The following SCARA3 variants were observed in gnomAD, a reference collection of about 807,000 sequenced individuals.
SCARA3 encodes scavenger receptor class A member 3, also known as cellular stress response gene protein.
In SCARA3, 39 loss-of-function variants were observed where a neutral mutation model predicts 47.0. The observed-to-expected ratio is 0.83, with a 90% CI of 0.64 to 1.08. SCARA3 has a LOEUF of 1.08. Ranked by LOEUF, SCARA3 falls within the 50% of genes least tolerant of loss-of-function variation. The pLI is 0.00. For missense variants in SCARA3, 724 were observed against 792.3 expected (o/e 0.91, Z 1.04); for synonymous variants, 356 against 334.1 (o/e 1.07, Z -0.71).
At chr8:27,716,643 T>C in the SCARA3 span, among the ~76,000 whole-genome samples, 1 of 152,198 alleles carries the variant, frequency 6.6e-6, no homozygotes, top group African/African-American at 2.4e-5. Context: ...GACAGAATGG[T>C]AAAGTTAAAA....
chr8:27,651,498 TC>T lies in SCARA3; in HGVS notation c.107-5del. 1 of 1,610,202 alleles carries T rather than the reference TC, an allele frequency of 6.2e-7. No individual in the cohort carries two copies. On this transcript the variant is annotated splice_polypyrimidine_tract_variant and intron_variant, in intron 2 of 5. Transcript: ENST00000301904. ...GGCCTAAGCCATTGTCCTCCTTGTG[TC>T]CCCCACAGGCCGGCCAGGGCCCCGC...
rs759082628 is a variant in SCARA3 at position 27,659,002 on chromosome 8, A to G, written c.832A>G (p.Asn278Asp). 1.2e-6 allele frequency: 2 copies of G among 1,614,046 alleles called. No individual in the cohort carries two copies. The highest frequency in any genetic ancestry group is 2.2e-5 in the South Asian group (2 of 91,068). ...CACCAAGACTGGAGAGGCGGTCAAG[A>G]ACATCCAGGCCACCCTGGGGGCCTC... ...TSTKTGEAVKNIQATLGASSQ... is the reference protein window; with the variant it reads ...TSTKTGEAVKDIQATLGASSQ... The change falls in exon 5 of 6, where the codon AAC becomes GAC. Residue 278 changes from asparagine to aspartate, a missense_variant. By Grantham distance (23) the Asn-to-Asp change is conservative. Transcript: ENST00000301904.
chr8:27,669,199 T>A (rs947360710), intron 5 of SCARA3, among the ~76,000 whole-genome samples: 1 of 150,790 alleles, frequency 6.6e-6, no homozygotes, highest in Non-Finnish European at 1.5e-5. Context: ...GGAGAAGGGG[T>A]CATGGAGCTG....
Position 27,671,464 on chromosome 8 carries a change from G to A in SCARA3, c.*113G>A. ...CTGTGGTCCTCTGATTCCAATGAGG[G>A]GGCTCCCCAGGGCTGACCCTGCAGC... On this transcript the variant is annotated 3_prime_UTR_variant, in exon 6 of 6. Coordinates refer to ENST00000301904, the MANE Select transcript of SCARA3 (RefSeq NM_016240.3). 7.6e-7 allele frequency: 1 copy of A among 1,311,530 alleles called. No homozygotes were observed. The allele number at this position is 1,311,530 out of a possible 1,614,324, so 81.2% of individuals were successfully genotyped here.
At chr8:27,707,681 C>T in the SCARA3 span, among the ~76,000 whole-genome samples, 2 of 151,452 alleles carry the variant, frequency 1.3e-5, no homozygotes, top group African/African-American at 2.4e-5. Flanking sequence ...GAAAATTTTC[C>T]AGAACTAAAG....
the SCARA3 span, among the ~76,000 whole-genome samples, chr8:27,725,244 T>C: frequency 5.7e-4 from 87 of 152,158 alleles, no homozygotes; most frequent in Admixed American, 1.8e-3. Context: ...AAGAAGCAGA[T>C]GATTATCACA....
the SCARA3 span, among the ~76,000 whole-genome samples, chr8:27,692,503 A>G: frequency 1.8e-3 from 279 of 152,264 alleles, 6 homozygotes; most frequent in East Asian, 0.048. Context: ...CCTGAAAGAA[A>G]TCAATGTATT....
At chr8:27,640,028 G>A (rs1801349504) in intron 1 of SCARA3, among the ~76,000 whole-genome samples, 1 of 152,010 alleles carries the variant, frequency 6.6e-6, no homozygotes, top group Non-Finnish European at 1.5e-5. Context: ...CGTGCTCATT[G>A]GGAGGGGGAG....
At chr8:27,666,154 C>G (rs957092929) in intron 5 of SCARA3, among the ~76,000 whole-genome samples, 2 of 152,172 alleles carry the variant, frequency 1.3e-5, no homozygotes, top group African/African-American at 4.8e-5. Context: ...GTTTGGTGGC[C>G]CTGACCCAGT....
At chr8:27,674,363 G>T (rs1029508417), downstream of SCARA3, among the ~76,000 whole-genome samples, 5 of 152,204 alleles carry the variant, frequency 3.3e-5, no homozygotes, top group Non-Finnish European at 7.3e-5. Context: ...GGCAGGTTGT[G>T]CTTCTGCCCT....
chr8:27,707,771 A>G, the SCARA3 span, among the ~76,000 whole-genome samples: 6 of 151,670 alleles, frequency 4.0e-5, no homozygotes, highest in South Asian at 1.2e-3. Flanking sequence ...TAGGAGTTTG[A>G]TCTTAAAATT....
intron 3 of SCARA3, among the ~76,000 whole-genome samples, chr8:27,651,981 T>A (rs904791190): frequency 6.6e-6 from 1 of 152,226 alleles, no homozygotes; most frequent in Non-Finnish European, 1.5e-5. Context: ...ATTAATTCGG[T>A]ATCTTTCAAC....
chr8:27,729,879 A>T, the SCARA3 span, among the ~76,000 whole-genome samples: 1 of 152,202 alleles, frequency 6.6e-6, no homozygotes, highest in Admixed American at 6.5e-5. Context: ...AGAGTCTAGG[A>T]GTGGAAATGG....
chr8:27,713,330 C>T, the SCARA3 span, among the ~76,000 whole-genome samples: 2 of 152,222 alleles, frequency 1.3e-5, no homozygotes, highest in East Asian at 1.9e-4. Flanking sequence ...GTTCTCACTG[C>T]ATCTTATTAG....
intron 1 of SCARA3, among the ~76,000 whole-genome samples, chr8:27,648,557 T>C (rs780607818): frequency 4.6e-5 from 7 of 151,370 alleles, no homozygotes; most frequent in South Asian, 2.1e-4. Flanking sequence ...TGAGCCGAGA[T>C]AGCACCACTG....
chr8:27,678,751 G>A (rs1476679752), downstream of SCARA3, among the ~76,000 whole-genome samples: 4 of 152,130 alleles, frequency 2.6e-5, no homozygotes, highest in Non-Finnish European at 5.9e-5. Flanking sequence ...ACAAGAAAAG[G>A]AAATTATAAA....
the SCARA3 span, among the ~76,000 whole-genome samples, chr8:27,720,638 A>ATCCG: frequency 6.6e-6 from 1 of 150,822 alleles, no homozygotes; most frequent in Non-Finnish European, 1.5e-5. Flanking sequence ...CCATCCATCC[A>ATCCG]TCCATCCATC....
chr8:27,704,098 T>G, the SCARA3 span, among the ~76,000 whole-genome samples: 1 of 151,016 alleles, frequency 6.6e-6, no homozygotes, highest in South Asian at 2.1e-4. Context: ...AAGGAAGAAG[T>G]CAAAGCTAAA....
At chr8:27,640,026 T>C (rs906106008) in intron 1 of SCARA3, among the ~76,000 whole-genome samples, 9 of 150,556 alleles carry the variant, frequency 6.0e-5, no homozygotes, top group African/African-American at 2.2e-4. Flanking sequence ...CCCGTGCTCA[T>C]TGGGAGGGGG....
Sources: gnomAD v4.1 joint callset for allele counts (sites outside exome capture counted in the v4.1 genomes callset) on GRCh38, gnomAD v4.1.1 for gene constraint, MANE v1.5 for transcripts, NCBI Gene and HGNC (gene_info 2026-07-23, HGNC 2026-07-21) for gene names.